SUGCT: variants seen among roughly 807,000 people sequenced by gnomAD.
SUGCT encodes succinyl-CoA:glutarate-CoA transferase, also known as succinyl-CoA:glutarate CoA-transferase.
Under a neutral mutation model 55.0 loss-of-function variants are expected in SUGCT, and 41 were observed. The ratio of observed to expected loss-of-function variants is 0.74; its 90% CI spans 0.58 to 0.97. SUGCT has a LOEUF of 0.97. Among genes scored for constraint, SUGCT ranks in the 50% least tolerant of loss-of-function variants. SUGCT has a pLI of 0.00. For synonymous variants in SUGCT, 187 were observed against 200.4 expected, an observed-to-expected ratio of 0.93 and a Z score of 0.56; for missense variants, 568 against 547.8, an observed-to-expected ratio of 1.04 and a Z score of -0.37.
chr7:40,165,730 A>G (rs909560807), intron 1 of SUGCT, among the ~76,000 whole-genome samples: 5 of 151,856 alleles, frequency 3.3e-5, no homozygotes, highest in African/African-American at 1.2e-4. Context: ...TAGAATAATC[A>G]TATGTTTATC....
intron 13 of SUGCT, among the ~76,000 whole-genome samples, chr7:40,781,141 T>A (rs1217274918): frequency 6.6e-6 from 1 of 152,154 alleles, no homozygotes; most frequent in African/African-American, 2.4e-5. Flanking sequence ...ATCAGCTCGC[T>A]GCTTCTCCTT....
At chr7:40,379,596 C>T (rs1172269521) in intron 9 of SUGCT, among the ~76,000 whole-genome samples, 2 of 152,050 alleles carry the variant, frequency 1.3e-5, no homozygotes, top group Non-Finnish European at 2.9e-5. Flanking sequence ...TTGTATGTGA[C>T]CACTGAGTGT....
At chr7:40,164,531 G>A (rs1375539118) in intron 1 of SUGCT, among the ~76,000 whole-genome samples, 30 of 152,134 alleles carry the variant, frequency 2.0e-4, no homozygotes, top group Non-Finnish European at 5.9e-5. Flanking sequence ...TAATGTAACA[G>A]AGGCTTCAGA....
At chr7:40,708,847 T>C (rs1289592324) in intron 12 of SUGCT, among the ~76,000 whole-genome samples, 1 of 152,166 alleles carries the variant, frequency 6.6e-6, no homozygotes, top group Non-Finnish European at 1.5e-5. Flanking sequence ...ATAGTATTTC[T>C]CACCTCTCTA....
chr7:40,802,739 G>A (rs185128308), intron 13 of SUGCT, among the ~76,000 whole-genome samples: 189 of 152,284 alleles, frequency 1.2e-3, no homozygotes, highest in African/African-American at 4.3e-3. Context: ...TGAGTCACAT[G>A]TGCTTTCTAT....
downstream of SUGCT, among the ~76,000 whole-genome samples, chr7:40,862,751 C>G (rs1247413319): frequency 7.5e-6 from 1 of 133,160 alleles, no homozygotes; most frequent in Non-Finnish European, 1.6e-5. Context: ...TTTTTTTATT[C>G]TGAAACTTTT....
At chr7:40,586,720 T>C (rs747920585) in intron 12 of SUGCT, among the ~76,000 whole-genome samples, 1 of 152,182 alleles carries the variant, frequency 6.6e-6, no homozygotes, top group Non-Finnish European at 1.5e-5. Flanking sequence ...AACAATACTC[T>C]AACTCGAAGA....
At chr7:40,179,013 A>G (rs576421744) in intron 1 of SUGCT, among the ~76,000 whole-genome samples, 1 of 151,832 alleles carries the variant, frequency 6.6e-6, no homozygotes, top group African/African-American at 2.4e-5. Context: ...TCCTTCTATC[A>G]TATTTTTAAG....
At chr7:40,422,769 G>C (rs1787380597) in intron 9 of SUGCT, among the ~76,000 whole-genome samples, 1 of 150,342 alleles carries the variant, frequency 6.7e-6, no homozygotes, top group Admixed American at 6.6e-5. Flanking sequence ...TGTGATTTGA[G>C]ATGATTTGCT....
chr7:40,934,183 ACAGT>A, the SUGCT span, among the ~76,000 whole-genome samples: 7 of 152,256 alleles, frequency 4.6e-5, no homozygotes, highest in South Asian at 4.1e-4. Flanking sequence ...TTTTCTTCTA[ACAGT>A]CAGGTCCCTC....
intron 6 of SUGCT, among the ~76,000 whole-genome samples, chr7:40,221,524 T>C (rs1788026079): frequency 6.9e-6 from 1 of 144,814 alleles, no homozygotes; most frequent in South Asian, 2.3e-4. Flanking sequence ...AGAGTTTCAC[T>C]CTGTCGCCCA....
chr7:40,135,036 G>A lies in SUGCT; in HGVS notation c.16G>A (p.Ala6Thr). 6.4e-7 allele frequency: 1 copy of A among 1,562,072 alleles called. No individual in the cohort carries two copies. The highest frequency in any genetic ancestry group is 1.4e-5 in the African/African-American group (1 of 73,104). The stretch of plus-strand genomic sequence containing the variant: ...GACGCACGCGATGCTGGCGACGCTG[G>A]CGAGGGTGGCAGCTCTGCGCAGAAC... MLATL[A>T]RVAALRRTCL... The change falls in exon 1 of 14, where the codon GCG becomes ACG. Residue 6 changes from alanine to threonine, a missense_variant. Transcript: ENST00000335693.
At chr7:40,720,594 C>T (rs1786275334) in intron 12 of SUGCT, among the ~76,000 whole-genome samples, 1 of 152,116 alleles carries the variant, frequency 6.6e-6, no homozygotes, top group African/African-American at 2.4e-5. Context: ...CAGTATTAGT[C>T]AGACTCTTTC....
intron 12 of SUGCT, among the ~76,000 whole-genome samples, chr7:40,664,007 A>G (rs1801473128): frequency 1.3e-5 from 2 of 152,118 alleles, no homozygotes; most frequent in South Asian, 4.1e-4. Context: ...TTGTCCTTAT[A>G]AAAAGGGAAA....
chr7:40,496,712 T>C lies in SUGCT; in HGVS notation c.1089+326T>C, dbSNP rs143587034. Among the ~76,000 whole-genome samples the C allele has an allele frequency of 6.3e-3, 754 of 119,730 alleles. 11 individuals carry two copies. Among genetic ancestry groups the C allele is most frequent in the African/African-American group, 0.028 (704 of 25,390 alleles). 78.5% of individuals were successfully genotyped at this position (119,730 alleles called of 152,430 possible). On this transcript the variant is annotated intron_variant, in intron 12 of 13. Coordinates refer to ENST00000335693, the MANE Select transcript of SUGCT (RefSeq NM_001193313.2). ...TTGGGTACTCAGAGACTATTCTTTG[T>C]AGGAAGAAATATGAGAACTTTCATA...
At chr7:40,585,049 C>G (rs1215197399) in intron 12 of SUGCT, among the ~76,000 whole-genome samples, 2 of 152,146 alleles carry the variant, frequency 1.3e-5, no homozygotes, top group Admixed American at 6.5e-5. Context: ...TCTCAGAATC[C>G]TCCTTGAGAA....
chr7:40,668,526 A>T (rs1168081426), intron 12 of SUGCT, among the ~76,000 whole-genome samples: 1 of 152,200 alleles, frequency 6.6e-6, no homozygotes, highest in African/African-American at 2.4e-5. Flanking sequence ...AAATATTTGT[A>T]CTTTTCTCTA....
At chr7:40,319,466 A>G (rs1795611163) in intron 9 of SUGCT, among the ~76,000 whole-genome samples, 1 of 152,036 alleles carries the variant, frequency 6.6e-6, no homozygotes, top group Non-Finnish European at 1.5e-5. Flanking sequence ...ATCTAAGTTG[A>G]GTTGTCTGAG....
At chr7:40,285,325 G>A (rs1793256761) in intron 8 of SUGCT, among the ~76,000 whole-genome samples, 1 of 152,078 alleles carries the variant, frequency 6.6e-6, no homozygotes, top group Non-Finnish European at 1.5e-5. Flanking sequence ...TATTCCTAAA[G>A]CTGTGTTTAA....
Sources: gnomAD v4.1 joint callset for allele counts (sites outside exome capture counted in the v4.1 genomes callset) on GRCh38, gnomAD v4.1.1 for gene constraint, MANE v1.5 for transcripts, NCBI Gene and HGNC (gene_info 2026-07-23, HGNC 2026-07-21) for gene names.